The following STK32B variants were observed in gnomAD, a reference collection of about 807,000 sequenced individuals.
The protein encoded by STK32B is serine/threonine kinase 32B.
STK32B carries 43 observed loss-of-function variants against 52.6 expected under a neutral mutation model. The ratio of observed to expected loss-of-function variants is 0.82; its 90% CI spans 0.64 to 1.05. The LOEUF (loss-of-function observed/expected upper bound fraction) is 1.05, where lower values mean the gene tolerates loss of function less well. Ranked by LOEUF, STK32B falls within the 50% of genes least tolerant of loss-of-function variation. The pLI is 0.00. For missense variants in STK32B, 621 were observed against 534.6 expected (o/e 1.16, Z -1.59); for synonymous variants, 238 against 204.3 (o/e 1.17, Z -1.41).
chr4:5,182,243 G>A (rs1238209989), intron 3 of STK32B, among the ~76,000 whole-genome samples: 1 of 152,104 alleles, frequency 6.6e-6, no homozygotes. Flanking sequence ...TCCCTCCACT[G>A]AAGTCTTGAA....
At chr4:5,482,154 G>C (rs1160882149) in intron 11 of STK32B, among the ~76,000 whole-genome samples, 1 of 152,170 alleles carries the variant, frequency 6.6e-6, no homozygotes. Flanking sequence ...GGATGGCATT[G>C]AATCTATAAA....
intron 4 of STK32B, among the ~76,000 whole-genome samples, chr4:5,350,086 C>G (rs765527875): frequency 2.6e-5 from 4 of 152,090 alleles, no homozygotes; most frequent in Non-Finnish European, 5.9e-5. Flanking sequence ...CCAAGTCTAG[C>G]AAGACATTTA....
intron 3 of STK32B, among the ~76,000 whole-genome samples, chr4:5,281,455 G>C (rs1203516564): frequency 6.6e-6 from 1 of 152,124 alleles, no homozygotes; most frequent in Non-Finnish European, 1.5e-5. Context: ...TGGGGGCAAA[G>C]GGTTGGGAGA....
At chr4:5,406,053 T>TC (rs1485686243) in intron 5 of STK32B, among the ~76,000 whole-genome samples, 2 of 152,160 alleles carry the variant, frequency 1.3e-5, no homozygotes, top group Non-Finnish European at 2.9e-5. Context: ...GTTAGTTACT[T>TC]CCAAGGTACA....
intron 1 of STK32B, among the ~76,000 whole-genome samples, chr4:5,070,760 G>C (rs762271457): frequency 6.6e-6 from 1 of 152,168 alleles, no homozygotes; most frequent in African/African-American, 2.4e-5. Context: ...TTTGAAGCAA[G>C]TTATTCTGGT....
chr4:5,496,305 G>A (rs900680411), intron 11 of STK32B, among the ~76,000 whole-genome samples: 4 of 152,148 alleles, frequency 2.6e-5, no homozygotes, highest in African/African-American at 4.8e-5. Flanking sequence ...CACCAGCCTC[G>A]CTGCCGCCTT....
intron 4 of STK32B, among the ~76,000 whole-genome samples, chr4:5,379,232 T>G (rs1239862762): frequency 6.6e-6 from 1 of 152,134 alleles, no homozygotes; most frequent in African/African-American, 2.4e-5. Context: ...TCGGCCTTTG[T>G]GCTACCCCTG....
chr4:5,425,066 G>A (rs1712970610), intron 6 of STK32B, among the ~76,000 whole-genome samples: 1 of 152,256 alleles, frequency 6.6e-6, no homozygotes, highest in Non-Finnish European at 1.5e-5. Flanking sequence ...CCCCGCCACA[G>A]CCAGGATGCC....
At chr4:5,317,564 GA>G (rs1224052440) in intron 3 of STK32B, among the ~76,000 whole-genome samples, 3 of 112,566 alleles carry the variant, frequency 2.7e-5, no homozygotes, top group Non-Finnish European at 4.9e-5. Flanking sequence ...TATATAACTT[GA>G]AAAAAATATG....
intron 4 of STK32B, among the ~76,000 whole-genome samples, chr4:5,360,186 A>G (rs766775463): frequency 1.1e-4 from 16 of 152,150 alleles, no homozygotes; most frequent in Admixed American, 2.0e-4. Flanking sequence ...GGAAAGACAG[A>G]CTCAAAGAAC....
In STK32B at chr4:5,317,225, T is replaced by A. The variant is rs1241589688; in HGVS notation, c.261-13995T>A. ...TATTATATATATAACATATATATAT[T>A]ATATATAACATATATATATTATATA... On this transcript the variant is annotated intron_variant, in intron 3 of 11. Coordinates refer to ENST00000282908, the MANE Select transcript of STK32B (RefSeq NM_018401.3). 3.0e-4 allele frequency among the ~76,000 whole-genome samples: 12 copies of A among 40,384 alleles called. 2 individuals are homozygous for A. The East Asian group carries it at 3.1e-3, about 10-fold the overall frequency. 26.5% of individuals were successfully genotyped at this position (40,384 alleles called of 152,430 possible).
At chr4:5,461,662 G>C (rs987395131) in intron 9 of STK32B, among the ~76,000 whole-genome samples, 2 of 152,178 alleles carry the variant, frequency 1.3e-5, no homozygotes, top group African/African-American at 4.8e-5. Context: ...GTCCAGGGCT[G>C]GCCCTGCTCT....
chr4:5,283,610 A>T (rs1728349543), intron 3 of STK32B, among the ~76,000 whole-genome samples: 2 of 152,160 alleles, frequency 1.3e-5, no homozygotes, highest in Non-Finnish European at 2.9e-5. Context: ...AACAAATCAC[A>T]TTCAAGGGAG....
intron 3 of STK32B, among the ~76,000 whole-genome samples, chr4:5,274,295 A>G (rs1316977799): frequency 6.6e-6 from 1 of 152,224 alleles, no homozygotes; most frequent in African/African-American, 2.4e-5. Flanking sequence ...AAATAGATCA[A>G]TAGAACAGAA....
intron 1 of STK32B, among the ~76,000 whole-genome samples, chr4:5,130,664 T>C (rs1181895060): frequency 6.6e-6 from 1 of 151,988 alleles, no homozygotes. Flanking sequence ...GGAGAGCAAC[T>C]TGGTAAACAA....
chr4:5,351,212 C>T (rs1384194502), intron 4 of STK32B, among the ~76,000 whole-genome samples: 3 of 147,266 alleles, frequency 2.0e-5, no homozygotes, highest in Non-Finnish European at 3.0e-5. Flanking sequence ...CCAGGCTAGA[C>T]CATATGTTAG....
chr4:5,499,287 C>T lies in STK32B; in HGVS notation c.*204C>T. 1 of 565,328 alleles carries T rather than the reference C, an allele frequency of 1.8e-6. No individual in the cohort carries two copies. The allele number at this position is 565,328 out of a possible 1,614,324, so 35.0% of individuals were successfully genotyped here. A position where few individuals can be genotyped will look rare whatever the true frequency, so the allele number is the denominator to read the frequency against. On this transcript the variant is annotated 3_prime_UTR_variant, in exon 12 of 12. Coordinates refer to ENST00000282908, the MANE Select transcript of STK32B (RefSeq NM_018401.3). ...TGACCTCAGACAAGTCACGCCCTCT[C>T]TGTGCCTCCGTTTTCTGCATCTGCC...
chr4:5,314,627 G>C (rs1255584098), intron 3 of STK32B, among the ~76,000 whole-genome samples: 1 of 152,084 alleles, frequency 6.6e-6, no homozygotes, highest in Non-Finnish European at 1.5e-5. Context: ...CCGAAATCAC[G>C]CCATTGCACT....
At chr4:5,332,399 T>A (rs1053729152) in intron 4 of STK32B, among the ~76,000 whole-genome samples, 1 of 152,144 alleles carries the variant, frequency 6.6e-6, no homozygotes, top group African/African-American at 2.4e-5. Context: ...AGCTCAGGAA[T>A]TGGCAGCACC....
Sources: gnomAD v4.1 joint callset for allele counts (sites outside exome capture counted in the v4.1 genomes callset) on GRCh38, gnomAD v4.1.1 for gene constraint, MANE v1.5 for transcripts, NCBI Gene and HGNC (gene_info 2026-07-23, HGNC 2026-07-21) for gene names.